GRB2: variants seen among roughly 807,000 people sequenced by gnomAD.
The protein encoded by GRB2 is growth factor receptor-bound protein 2.
GRB2 carries 2 observed loss-of-function variants against 27.4 expected under a neutral mutation model. The observed-to-expected ratio is 0.07, with a 90% CI of 0.03 to 0.23. GRB2 has a LOEUF of 0.23. Among genes scored for constraint, GRB2 ranks in the 10% least tolerant of loss-of-function variants. GRB2 has a pLI of 1.00. For synonymous variants in GRB2, 94 were observed against 99.6 expected, an observed-to-expected ratio of 0.94 and a Z score of 0.33; for missense variants, 102 against 282.4, an observed-to-expected ratio of 0.36 and a Z score of 4.58.
chr17:75,328,716 GT>G (rs2078517769), intron 3 of GRB2, among the ~76,000 whole-genome samples: 1 of 151,972 alleles, frequency 6.6e-6, no homozygotes, highest in African/African-American at 2.4e-5. Flanking sequence ...AGGCGGGCGG[GT>G]CACAAAGTCA....
intron 3 of GRB2, among the ~76,000 whole-genome samples, chr17:75,329,231 C>A (rs2078522815): frequency 6.6e-6 from 1 of 152,034 alleles, no homozygotes; most frequent in African/African-American, 2.4e-5. Context: ...CCTCCTAGGC[C>A]CCCAAGATCT....
rs566612963 is a variant in GRB2, at chr17:75,383,930, A to T, written c.78+9621T>A. On this transcript the variant is annotated intron_variant, in intron 2 of 5. Transcript: ENST00000316804. ...CACTATGACCCCAGGAAGGTAGGAA[A>T]CTATTGTTCCCATTTTACAGATGTC... 2.0e-5 allele frequency among the ~76,000 whole-genome samples: 3 copies of T among 152,276 alleles called. No homozygotes were observed. In the East Asian group the frequency reaches 5.8e-4, roughly 29 times the overall value.
chr17:75,383,640 G>A (rs1376908709), intron 2 of GRB2, among the ~76,000 whole-genome samples: 1 of 152,034 alleles, frequency 6.6e-6, no homozygotes, highest in African/African-American at 2.4e-5. Context: ...TCAGGAGTTC[G>A]AGACCAGCCC....
At chr17:75,382,893 A>G (rs546751288) in intron 2 of GRB2, among the ~76,000 whole-genome samples, 36 of 152,184 alleles carry the variant, frequency 2.4e-4, no homozygotes, top group African/African-American at 8.4e-4. Context: ...TATTTTTAGT[A>G]GAGACGGGGT....
At chr17:75,368,965 T>C (rs185023536) in intron 2 of GRB2, among the ~76,000 whole-genome samples, 32 of 152,332 alleles carry the variant, frequency 2.1e-4, no homozygotes, top group African/African-American at 7.7e-4. Context: ...ATCCTCACAA[T>C]ATCTAATGAG....
chr17:75,354,036 T>C (rs543743360), intron 2 of GRB2, among the ~76,000 whole-genome samples: 1 of 150,548 alleles, frequency 6.6e-6, no homozygotes, highest in Admixed American at 6.6e-5. Context: ...CGAGACTCTG[T>C]CTCAAAAAAA....
At chr17:75,387,978 A>C (rs1446413958) in intron 2 of GRB2, among the ~76,000 whole-genome samples, 1 of 152,216 alleles carries the variant, frequency 6.6e-6, no homozygotes, top group Non-Finnish European at 1.5e-5. Context: ...ATAGGAAATG[A>C]AAGTTCATTC....
chr17:75,393,907 C>A (rs368362900), intron 1 of GRB2, 142 bp from the exon 2 acceptor site: 2 of 487,278 alleles, frequency 4.1e-6, no homozygotes, highest in Non-Finnish European at 7.3e-6. Context: ...GCAACAGCCC[C>A]CCCCCGCCGA....
intron 2 of GRB2, among the ~76,000 whole-genome samples, chr17:75,358,738 C>G (rs1165383846): frequency 7.2e-6 from 1 of 138,558 alleles, no homozygotes; most frequent in Non-Finnish European, 1.5e-5. Flanking sequence ...AAAAAATTAG[C>G]TGGGTATGGT....
At chr17:75,357,414 C>T (rs566381168) in intron 2 of GRB2, among the ~76,000 whole-genome samples, 2 of 152,242 alleles carry the variant, frequency 1.3e-5, no homozygotes, top group African/African-American at 4.8e-5. Flanking sequence ...ATAGTAAATA[C>T]GCCATAATAA....
chr17:75,323,795 GT>G (rs1311540074), intron 4 of GRB2, among the ~76,000 whole-genome samples: 1 of 147,534 alleles, frequency 6.8e-6, no homozygotes, highest in Non-Finnish European at 1.5e-5. Flanking sequence ...TGTCACACAT[GT>G]TTTTCTTTTC....
At chr17:75,399,713 C>T (rs2079052084) in intron 1 of GRB2, among the ~76,000 whole-genome samples, 1 of 151,008 alleles carries the variant, frequency 6.6e-6, no homozygotes, top group African/African-American at 2.4e-5. Context: ...GCTCTGTCGC[C>T]CAGGCTGGTG....
At chr17:75,401,184 G>A (rs559095601) in intron 1 of GRB2, among the ~76,000 whole-genome samples, 6 of 151,992 alleles carry the variant, frequency 3.9e-5, no homozygotes, top group Non-Finnish European at 5.9e-5. Context: ...AGTGGCTCAC[G>A]CCTGTAATCC....
intron 2 of GRB2, among the ~76,000 whole-genome samples, chr17:75,368,176 A>T (rs1407219852): frequency 6.6e-6 from 1 of 150,684 alleles, no homozygotes; most frequent in East Asian, 1.9e-4. Context: ...TGGCCTCCCA[A>T]AGTGCTGGGA....
At chr17:75,397,977 G>A (rs2079039257) in intron 1 of GRB2, among the ~76,000 whole-genome samples, 1 of 151,574 alleles carries the variant, frequency 6.6e-6, no homozygotes, top group Non-Finnish European at 1.5e-5. Flanking sequence ...AAGTAGCTGG[G>A]ACTACAGGTG....
intron 2 of GRB2, among the ~76,000 whole-genome samples, chr17:75,352,877 T>TG (rs2078701542): frequency 6.6e-6 from 1 of 151,014 alleles, no homozygotes; most frequent in Non-Finnish European, 1.5e-5. Context: ...TTAACTTGTT[T>TG]TTTTTTTTTT....
intron 5 of GRB2, among the ~76,000 whole-genome samples, chr17:75,321,169 CTTTTT>C (rs61287852): frequency 7.5e-5 from 9 of 120,048 alleles, no homozygotes; most frequent in African/African-American, 2.6e-4. Context: ...AACAACAAAT[CTTTTT>C]TTTTTTTTTT....
intron 2 of GRB2, among the ~76,000 whole-genome samples, chr17:75,377,466 A>G (rs911287944): frequency 1.3e-5 from 2 of 151,874 alleles, no homozygotes; most frequent in African/African-American, 4.8e-5. Flanking sequence ...ACAAAATACA[A>G]AAAGTTAGCT....
At chr17:75,382,694 T>A (rs6501786) in intron 2 of GRB2, among the ~76,000 whole-genome samples, 99,435 of 152,108 alleles carry the variant, frequency 0.65, 37,891 homozygotes, top group East Asian at 0.91. Flanking sequence ...ATCTATGGCA[T>A]CCTAAGATTT....
Sources: allele counts gnomAD v4.1 joint callset (sites outside exome capture counted in the v4.1 genomes callset), GRCh38; gene constraint gnomAD v4.1.1; transcripts MANE v1.5; gene names NCBI Gene and HGNC (gene_info 2026-07-23, HGNC 2026-07-21).